CADM2: variants seen among roughly 807,000 people sequenced by gnomAD.
CADM2 encodes the protein immunoglobulin superfamily member 4D.
In CADM2, 12 loss-of-function variants were observed where a neutral mutation model predicts 49.8. That is an observed-to-expected ratio of 0.24 (90% confidence interval 0.15 to 0.39). The LOEUF is 0.39. CADM2 is among the 10% of genes least tolerant of loss of function. The pLI is 1.00. For missense variants in CADM2, 378 were observed against 492.3 expected (o/e 0.77, Z 2.20); for synonymous variants, 214 against 175.4 (o/e 1.22, Z -1.74).
At chr3:85,543,106 T>A (rs1023348128) in intron 1 of CADM2, among the ~76,000 whole-genome samples, 1 of 152,148 alleles carries the variant, frequency 6.6e-6, no homozygotes, top group Admixed American at 6.5e-5. Context: ...CTCAGAAAAT[T>A]CATTCTTTTG....
At chr3:85,184,185 T>G (rs141909236) in intron 1 of CADM2, among the ~76,000 whole-genome samples, 101 of 152,022 alleles carry the variant, frequency 6.6e-4, no homozygotes, top group African/African-American at 2.3e-3. Context: ...TGAAAAAAAA[T>G]TGATTTTTTG....
At chr3:84,998,132 G>A (rs1576000383) in intron 1 of CADM2, among the ~76,000 whole-genome samples, 1 of 152,034 alleles carries the variant, frequency 6.6e-6, no homozygotes, top group South Asian at 2.1e-4. Flanking sequence ...TGTTTCCCAC[G>A]AGGGTTCATT....
At chr3:85,205,219 C>A (rs2041603908) in intron 1 of CADM2, among the ~76,000 whole-genome samples, 1 of 152,020 alleles carries the variant, frequency 6.6e-6, no homozygotes, top group African/African-American at 2.4e-5. Context: ...GACAGGGTCT[C>A]ACTATATTTC....
chr3:85,400,627 GC>G (rs1391454878), intron 1 of CADM2, among the ~76,000 whole-genome samples: 1 of 151,930 alleles, frequency 6.6e-6, no homozygotes, highest in Non-Finnish European at 1.5e-5. Context: ...CAATTTCAGA[GC>G]CTGTTATTGG....
chr3:85,751,173 G>A (rs1255922878), intron 2 of CADM2, among the ~76,000 whole-genome samples: 2 of 152,046 alleles, frequency 1.3e-5, no homozygotes, highest in Admixed American at 6.6e-5. Flanking sequence ...GGTGGTGGAG[G>A]TGATAGAAAA....
At chr3:85,829,135 A>T (rs1182952366) in intron 3 of CADM2, among the ~76,000 whole-genome samples, 2 of 152,004 alleles carry the variant, frequency 1.3e-5, no homozygotes, top group Non-Finnish European at 2.9e-5. Context: ...TAATTTAAAG[A>T]CATACTTTTA....
intron 1 of CADM2, among the ~76,000 whole-genome samples, chr3:84,965,336 C>A (rs1324669968): frequency 1.3e-5 from 2 of 152,164 alleles, no homozygotes; most frequent in African/African-American, 4.8e-5. Context: ...CTAATGTGCT[C>A]TGCAGAGGCC....
chr3:85,914,417 TTC>T (rs1718014993), intron 6 of CADM2, among the ~76,000 whole-genome samples: 1 of 152,106 alleles, frequency 6.6e-6, no homozygotes, highest in South Asian at 2.1e-4. Flanking sequence ...GTCTTCCTTT[TTC>T]TGTTTCTTTT....
chr3:85,930,142 A>G (rs1446845763), intron 6 of CADM2, among the ~76,000 whole-genome samples: 2 of 152,108 alleles, frequency 1.3e-5, no homozygotes, highest in Non-Finnish European at 2.9e-5. Context: ...ATTGAGTACT[A>G]CCTCTGCCAA....
At chr3:85,709,237 A>G (rs2067040734) in intron 1 of CADM2, among the ~76,000 whole-genome samples, 1 of 152,210 alleles carries the variant, frequency 6.6e-6, no homozygotes, top group Non-Finnish European at 1.5e-5. Context: ...AAATCAATGT[A>G]TTAACCTATT....
intron 1 of CADM2, among the ~76,000 whole-genome samples, chr3:85,684,416 T>A (rs1278439843): frequency 6.6e-6 from 1 of 151,938 alleles, no homozygotes; most frequent in African/African-American, 2.4e-5. Flanking sequence ...CCTATAGGTT[T>A]AGCAGTAGGC....
At chr3:85,447,081 A>G (rs1476938859) in intron 1 of CADM2, among the ~76,000 whole-genome samples, 1 of 145,628 alleles carries the variant, frequency 6.9e-6, no homozygotes, top group Admixed American at 7.0e-5. Context: ...TATAATTCAT[A>G]TGGTAATACA....
intron 1 of CADM2, among the ~76,000 whole-genome samples, chr3:84,964,975 A>G (rs779991813): frequency 3.3e-5 from 5 of 152,314 alleles, no homozygotes; most frequent in East Asian, 3.9e-4. Context: ...CTTAATATAC[A>G]TCTTTAAGTG....
At chr3:85,983,832 T>C (rs1450560273) in intron 8 of CADM2, among the ~76,000 whole-genome samples, 1 of 151,566 alleles carries the variant, frequency 6.6e-6, no homozygotes, top group African/African-American at 2.4e-5. Flanking sequence ...TCATCTATCA[T>C]TCATCTACCA....
At chr3:85,405,544 T>A (rs1490051780) in intron 1 of CADM2, among the ~76,000 whole-genome samples, 1 of 152,122 alleles carries the variant, frequency 6.6e-6, no homozygotes. Context: ...AATTCAAGGA[T>A]CTATTTTTGT....
chr3:85,305,703 A>G (rs1372444208), intron 1 of CADM2, among the ~76,000 whole-genome samples: 2 of 151,712 alleles, frequency 1.3e-5, no homozygotes, highest in African/African-American at 2.4e-5. Context: ...ATGCAAAATG[A>G]TAATGCTAAT....
intron 1 of CADM2, among the ~76,000 whole-genome samples, chr3:85,501,435 A>G (rs964539531): frequency 3.3e-5 from 5 of 152,160 alleles, no homozygotes; most frequent in Non-Finnish European, 7.4e-5. Flanking sequence ...ACAGGAATTT[A>G]CCAAGCCTTC....
chr3:85,429,983 T>A (rs1350299645), intron 1 of CADM2, among the ~76,000 whole-genome samples: 3 of 152,168 alleles, frequency 2.0e-5, no homozygotes, highest in Non-Finnish European at 2.9e-5. Flanking sequence ...GTGAACAAAT[T>A]ATGCATAGGT....
chr3:85,370,340 T>G (rs2033134680), intron 1 of CADM2, among the ~76,000 whole-genome samples: 1 of 151,502 alleles, frequency 6.6e-6, no homozygotes, highest in Non-Finnish European at 1.5e-5. Flanking sequence ...GAGAATTGCT[T>G]GACCGCGGGA....
Sources: allele counts gnomAD v4.1 joint callset (sites outside exome capture counted in the v4.1 genomes callset), GRCh38; gene constraint gnomAD v4.1.1; transcripts MANE v1.5; gene names NCBI Gene and HGNC (gene_info 2026-07-23, HGNC 2026-07-21).